The following TMEM242 variants were observed in gnomAD, a reference collection of about 807,000 sequenced individuals.
TMEM242 encodes the protein UPF0463 transmembrane protein C6orf35.
Under a neutral mutation model 18.2 loss-of-function variants are expected in TMEM242, and 10 were observed. That is an observed-to-expected ratio of 0.55 (90% confidence interval 0.34 to 0.93). The LOEUF is 0.93. Among genes scored for constraint, TMEM242 ranks in the 40% least tolerant of loss-of-function variants. The pLI is 0.02. For missense variants in TMEM242, 186 were observed against 175.5 expected (o/e 1.06, Z -0.34); for synonymous variants, 57 against 69.9 (o/e 0.81, Z 0.92).
At chr6:157,320,202 G>C (rs1352154183) in intron 2 of TMEM242, among the ~76,000 whole-genome samples, 1 of 152,150 alleles carries the variant, frequency 6.6e-6, no homozygotes, top group Non-Finnish European at 1.5e-5. Flanking sequence ...TTCCCAGAGG[G>C]AGACAGAACC....
chr6:157,318,773 G>C lies in TMEM242; in HGVS notation c.327+9C>G. ...TGTAGATACCAGGGACAAGACAGTA[G>C]TTACTTACACTGTGAACTCCTAAAG... On this transcript the variant is annotated intron_variant, in intron 3 of 3. Transcript: ENST00000400788. 6.2e-7 allele frequency: 1 copy of C among 1,613,954 alleles called. No individual in the cohort carries two copies. The highest frequency in any genetic ancestry group is 8.5e-7 in the Non-Finnish European group (1 of 1,179,980).
intron 3 of TMEM242, chr6:157,299,927 G>T: frequency 1.9e-6 from 3 of 1,609,774 alleles, no homozygotes; most frequent in Non-Finnish European, 2.5e-6. Flanking sequence ...CACCGATCCA[G>T]TTCCTATGAT....
In TMEM242 at chr6:157,305,477, G is replaced by T. The variant is rs1173702317; in HGVS notation, c.328-12478C>A. ...CGCCTATGAGGGCGTGTCATATTGT[G>T]AGGGCACACAATATGAAGCAGAGAC... On this transcript the variant is annotated intron_variant, in intron 3 of 3. Coordinates refer to ENST00000400788, the MANE Select transcript of TMEM242 (RefSeq NM_018452.6). This position sits in a 1 kb window ranked among gnomAD's most constrained non-coding sequence, Gnocchi z 4.1. Among the ~76,000 whole-genome samples the T allele has an allele frequency of 6.6e-6, 1 of 152,144 alleles. No homozygotes were observed. Among genetic ancestry groups the T allele is most frequent in the African/African-American group, 2.4e-5 (1 of 41,426 alleles).
intron 3 of TMEM242, among the ~76,000 whole-genome samples, chr6:157,310,681 C>T (rs963437823): frequency 1.3e-5 from 2 of 150,504 alleles, no homozygotes; most frequent in South Asian, 2.1e-4. Flanking sequence ...TCCCAGTGTG[C>T]GCTCACCTAG....
intron 3 of TMEM242, among the ~76,000 whole-genome samples, chr6:157,306,406 G>A (rs1252952808): frequency 6.6e-6 from 1 of 152,206 alleles, no homozygotes; most frequent in African/African-American, 2.4e-5. Flanking sequence ...ATTAGATGCA[G>A]GGGTGAGACA....
At chr6:157,295,193 A>C (rs1554247123) in intron 3 of TMEM242, among the ~76,000 whole-genome samples, 1 of 152,138 alleles carries the variant, frequency 6.6e-6, no homozygotes, top group African/African-American at 2.4e-5. Context: ...CATATTACAT[A>C]TTGTCTGTAT....
intron 3 of TMEM242, chr6:157,318,149 G>A (rs1355273079): frequency 1.3e-5 from 2 of 152,132 alleles, no homozygotes; most frequent in African/African-American, 4.8e-5. Flanking sequence ...CTTTTACAAA[G>A]ATTATATATA....
At chr6:157,322,877 AAAGTAAGTTT>A in intron 1 of TMEM242, 72 bp from the exon 2 acceptor site, 1 of 1,336,112 alleles carries the variant, frequency 7.5e-7, no homozygotes. Flanking sequence ...AAGATGTACA[AAAGTAAGTTT>A]AAGATACTAT....
intron 3 of TMEM242, among the ~76,000 whole-genome samples, chr6:157,308,789 G>T (rs190760646): frequency 2.8e-4 from 42 of 152,258 alleles, no homozygotes; most frequent in Admixed American, 7.2e-4. Context: ...CAATCAGATT[G>T]GCAAAAATTT....
In TMEM242 at chr6:157,318,868, G is replaced by T. The variant is rs782578765; in HGVS notation, c.241C>A (p.Arg81=). Residue 81 remains arginine (R), a synonymous_variant, in exon 3 of 4, where the codon CGA becomes AGA. Coordinates refer to ENST00000400788, the MANE Select transcript of TMEM242 (RefSeq NM_018452.6). ...TACAGGGAGCCCCAGCCCAGAGCTCGCAAGGCAAGGGAAGACCCGCTTTCC... is the reference window on the plus strand; with the variant it reads ...TACAGGGAGCCCCAGCCCAGAGCTCTCAAGGCAAGGGAAGACCCGCTTTCC... ...LPESGSSLAL[R]ALGWGSLYAW... 2 of 1,613,102 alleles carry T rather than the reference G, an allele frequency of 1.2e-6. No homozygotes were observed. Among genetic ancestry groups the T allele is most frequent in the Middle Eastern group, 1.7e-4 (1 of 6,060 alleles).
At chr6:157,294,649 C>T (rs1049613522) in intron 3 of TMEM242, among the ~76,000 whole-genome samples, 6 of 152,004 alleles carry the variant, frequency 3.9e-5, no homozygotes, top group Non-Finnish European at 5.9e-5. Flanking sequence ...CGCGCCCGGC[C>T]GCAAGTCATT....
intron 3 of TMEM242, among the ~76,000 whole-genome samples, chr6:157,312,680 A>G (rs1445229832): frequency 4.2e-4 from 25 of 58,922 alleles, no homozygotes; most frequent in East Asian, 1.1e-3. Context: ...GCACTCACCT[A>G]GCCTCATCAT....
At chr6:157,317,745 A>C (rs1157345360) in intron 3 of TMEM242, among the ~76,000 whole-genome samples, 1 of 152,074 alleles carries the variant, frequency 6.6e-6, no homozygotes, top group African/African-American at 2.4e-5. Flanking sequence ...CTTTTCTCAC[A>C]CTGCTCCCCA....
intron 3 of TMEM242, among the ~76,000 whole-genome samples, chr6:157,300,501 TA>T (rs1480039523): frequency 2.0e-5 from 3 of 152,252 alleles, no homozygotes; most frequent in African/African-American, 4.8e-5. Flanking sequence ...AAAATCAGGT[TA>T]CATCTTCTGA....
intron 3 of TMEM242, chr6:157,299,232 T>C (rs587725432): frequency 9.8e-6 from 7 of 716,294 alleles, no homozygotes; most frequent in South Asian, 5.5e-5. Flanking sequence ...CAAAATACTT[T>C]CTGTTAAATC....
intron 3 of TMEM242, among the ~76,000 whole-genome samples, chr6:157,310,441 T>C: frequency 2.0e-5 from 3 of 152,048 alleles, no homozygotes; most frequent in African/African-American, 7.2e-5. Context: ...TGTCCCAGTG[T>C]GCACTCACCT....
At chr6:157,313,372 G>C (rs375151180) in intron 3 of TMEM242, among the ~76,000 whole-genome samples, 90 of 4,624 alleles carry the variant, frequency 0.019, no homozygotes, top group East Asian at 0.054. Context: ...CCTCATCATA[G>C]TGCCTCAGTG....
intron 3 of TMEM242, chr6:157,300,249 C>T (rs1777810408): frequency 2.7e-6 from 1 of 364,592 alleles, no homozygotes; most frequent in Non-Finnish European, 5.1e-6. Context: ...AGACACGCCC[C>T]CTGGCCCTCT....
intron 2 of TMEM242, among the ~76,000 whole-genome samples, chr6:157,320,998 C>CTTTT (rs201521248): frequency 3.0e-4 from 41 of 135,554 alleles, no homozygotes; most frequent in African/African-American, 4.1e-4. Context: ...TTTCCCATTT[C>CTTTT]TTTTTTTTTT....
Sources: allele counts gnomAD v4.1 joint callset (sites outside exome capture counted in the v4.1 genomes callset), GRCh38; gene constraint gnomAD v4.1.1; non-coding constraint Gnocchi (gnomAD v3.1); transcripts MANE v1.5; gene names NCBI Gene and HGNC (gene_info 2026-07-23, HGNC 2026-07-21).